The following CELF2 variants were observed in gnomAD, a reference collection of about 807,000 sequenced individuals.
CELF2 encodes CUG triplet repeat RNA-binding protein 2.
CELF2 carries 8 observed loss-of-function variants against 62.6 expected under a neutral mutation model. The ratio of observed to expected loss-of-function variants is 0.13; its 90% CI spans 0.07 to 0.23. The LOEUF (loss-of-function observed/expected upper bound fraction) is 0.23. Ranked by LOEUF, CELF2 falls within the 10% of genes least tolerant of loss-of-function variation. The probability of loss-of-function intolerance (pLI) is 1.00; values close to 1 mark genes in which losing one functional copy is unlikely to be tolerated. For missense variants in CELF2, 333 were observed against 671.0 expected (o/e 0.50, Z 5.56); for synonymous variants, 258 against 250.0 (o/e 1.03, Z -0.30).
At chr10:10,834,526 T>C (rs1446470446) in intron 1 of CELF2, among the ~76,000 whole-genome samples, 1 of 152,162 alleles carries the variant, frequency 6.6e-6, no homozygotes, top group Non-Finnish European at 1.5e-5. Flanking sequence ...GACCAGACCA[T>C]GTGTATTCCC....
intron 2 of CELF2, among the ~76,000 whole-genome samples, chr10:11,167,168 C>T (rs964270604): frequency 6.6e-6 from 1 of 152,308 alleles, no homozygotes; most frequent in East Asian, 1.9e-4. Flanking sequence ...TGGACATATT[C>T]TGATACTGGT....
chr10:10,488,438 G>A, the CELF2 span, among the ~76,000 whole-genome samples: 1 of 152,134 alleles, frequency 6.6e-6, no homozygotes, highest in Non-Finnish European at 1.5e-5. Context: ...ATGGACAGAA[G>A]AGGTGATTTG....
At chr10:10,913,101 G>GAC (rs907189771) in intron 1 of CELF2, among the ~76,000 whole-genome samples, 140 of 151,868 alleles carry the variant, frequency 9.2e-4, no homozygotes, top group African/African-American at 3.2e-3. Flanking sequence ...TTTGTATACA[G>GAC]ACACACACAC....
chr10:11,040,953 G>A (rs889839487), intron 1 of CELF2, among the ~76,000 whole-genome samples: 1 of 152,088 alleles, frequency 6.6e-6, no homozygotes, highest in Non-Finnish European at 1.5e-5. Flanking sequence ...TCTTACTTTG[G>A]TTGGGCTGCT....
At chr10:10,493,988 G>C in the CELF2 span, among the ~76,000 whole-genome samples, 1 of 152,042 alleles carries the variant, frequency 6.6e-6, no homozygotes, top group African/African-American at 2.4e-5. Context: ...CTGTCTCCCC[G>C]GTGACCTCAT....
chr10:10,652,930 T>C, the CELF2 span, among the ~76,000 whole-genome samples: 2 of 152,084 alleles, frequency 1.3e-5, no homozygotes, highest in South Asian at 2.1e-4. Context: ...GCAAATTGGA[T>C]AAAGAGTCAA....
Position 11,217,244 on chromosome 10 carries a change from A to G in CELF2, c.272-181A>G, listed in dbSNP as rs1348691603. ...TCCAACGTGGGTAAAGCTAATAAAT[A>G]TGATTTAGGATGAAAAGGTACTGTG... On this transcript the variant is annotated intron_variant, in intron 2 of 12. Coordinates refer to ENST00000633077, the MANE Select transcript of CELF2 (RefSeq NM_001326342.2). This position sits in a 1 kb window ranked among gnomAD's most constrained non-coding sequence, Gnocchi z 5.6. Among the ~76,000 whole-genome samples the G allele has an allele frequency of 6.6e-6, 1 of 152,226 alleles. No homozygotes were observed. The highest frequency in any genetic ancestry group is 2.4e-5 in the African/African-American group (1 of 41,460).
chr10:10,882,628 A>G (rs1212681771), intron 1 of CELF2, among the ~76,000 whole-genome samples: 2 of 152,168 alleles, frequency 1.3e-5, no homozygotes, highest in Non-Finnish European at 2.9e-5. Context: ...TCCTTCATTG[A>G]TGAGAGAACC....
chr10:10,937,348 C>T (rs10905871), intron 2 of CELF2: 49,626 of 151,808 alleles, frequency 0.33, 9,192 homozygotes, highest in East Asian at 0.73. Context: ...CCAGGCTGGT[C>T]TCAAACTCCT....
At chr10:10,814,501 G>C (rs975842855) in intron 1 of CELF2, among the ~76,000 whole-genome samples, 1 of 152,154 alleles carries the variant, frequency 6.6e-6, no homozygotes, top group Non-Finnish European at 1.5e-5. Context: ...AGGCCTTCGG[G>C]CAACCACAGC....
chr10:10,950,569 T>C (rs914935870), intron 2 of CELF2, among the ~76,000 whole-genome samples: 2 of 152,148 alleles, frequency 1.3e-5, no homozygotes, highest in Non-Finnish European at 2.9e-5. Flanking sequence ...CAGGGACATA[T>C]AGAAGAATGG....
intron 1 of CELF2, among the ~76,000 whole-genome samples, chr10:11,086,478 T>A (rs2046765508): frequency 6.8e-6 from 1 of 148,028 alleles, no homozygotes; most frequent in South Asian, 2.1e-4. Context: ...TAAAATAGCA[T>A]CATTGAGAGA....
chr10:11,247,498 G>C lies in CELF2; in HGVS notation c.355-1655G>C, dbSNP rs950361202. On this transcript the variant is annotated intron_variant, in intron 3 of 12. Coordinates refer to ENST00000633077, the MANE Select transcript of CELF2 (RefSeq NM_001326342.2). The surrounding 1 kb of genome is among the most constrained non-coding windows in gnomAD (Gnocchi z 5.4). ...ACACCCCTGGACCCCTGTGGGCTCTGTCCTGCCTCTCCCCACATGCTTGCC... is the reference window on the plus strand; with the variant it reads ...ACACCCCTGGACCCCTGTGGGCTCTCTCCTGCCTCTCCCCACATGCTTGCC... Among the ~76,000 whole-genome samples the C allele has an allele frequency of 2.0e-4, 30 of 152,182 alleles. No homozygotes were observed. Among genetic ancestry groups the C allele is most frequent in the African/African-American group, 5.8e-4 (24 of 41,452 alleles).
chr10:10,802,887 C>A (rs1445094630), intron 1 of CELF2, among the ~76,000 whole-genome samples: 1 of 152,182 alleles, frequency 6.6e-6, no homozygotes, highest in Non-Finnish European at 1.5e-5. Context: ...AAAAGCTCAA[C>A]AGGTTATAAA....
chr10:10,643,205 TAGTGATAGGG>T, the CELF2 span, among the ~76,000 whole-genome samples: 1 of 152,134 alleles, frequency 6.6e-6, no homozygotes, highest in Non-Finnish European at 1.5e-5. Flanking sequence ...CTTGTAAAGG[TAGTGATAGGG>T]TTTGACTGTG....
intron 1 of CELF2, among the ~76,000 whole-genome samples, chr10:11,028,652 C>T (rs1593461139): frequency 6.6e-6 from 1 of 151,018 alleles, no homozygotes; most frequent in Non-Finnish European, 1.5e-5. Flanking sequence ...AACTCCTGAC[C>T]TCATGATCCA....
intron 2 of CELF2, among the ~76,000 whole-genome samples, chr10:11,197,048 A>G (rs781372637): frequency 1.7e-3 from 33 of 19,688 alleles, no homozygotes; most frequent in African/African-American, 8.8e-3. Context: ...AAAGAAAGAA[A>G]GAAAGAAAGA....
In CELF2 at chr10:11,255,868, C is replaced by T. The variant is rs1366756196; in HGVS notation, c.404-1870C>T. Among the ~76,000 whole-genome samples the T allele has an allele frequency of 1.3e-5, 2 of 152,204 alleles. No homozygotes were observed. The highest frequency in any genetic ancestry group is 4.8e-5 in the African/African-American group (2 of 41,448). On this transcript the variant is annotated intron_variant, in intron 4 of 12. Transcript: ENST00000633077. The surrounding 1 kb of genome is among the most constrained non-coding windows in gnomAD (Gnocchi z 5.5). ...CTCATGGCAGCACCGGACCTAGAAC[C>T]TTGGTCTTCTAATCACCGCCATTGC...
the CELF2 span, among the ~76,000 whole-genome samples, chr10:10,474,928 T>A: frequency 1.3e-5 from 2 of 152,050 alleles, no homozygotes; most frequent in African/African-American, 2.4e-5. Flanking sequence ...TAGTAGTAGA[T>A]CTGAAGGGTT....
Sources: gnomAD v4.1 joint callset for allele counts (sites outside exome capture counted in the v4.1 genomes callset) on GRCh38, gnomAD v4.1.1 for gene constraint, Gnocchi (gnomAD v3.1) non-coding constraint, MANE v1.5 for transcripts, NCBI Gene and HGNC (gene_info 2026-07-23, HGNC 2026-07-21) for gene names.